The following KCNH6 variants were observed in gnomAD, a reference collection of about 807,000 sequenced individuals.
The protein encoded by KCNH6 is voltage-gated inwardly rectifying potassium channel KCNH6.
Under a neutral mutation model 83.4 loss-of-function variants are expected in KCNH6, and 81 were observed. That is an observed-to-expected ratio of 0.97 (90% CI 0.81 to 1.17). The LOEUF (loss-of-function observed/expected upper bound fraction) is 1.17, where lower values mean the gene tolerates loss of function less well. Among genes scored for constraint, KCNH6 ranks in the 50% most tolerant of loss-of-function variants. The pLI is 0.00. For missense variants in KCNH6, 1,203 were observed against 1,290.5 expected (o/e 0.93, Z 1.04); for synonymous variants, 503 against 545.6 (o/e 0.92, Z 1.09).
At chr17:63,545,373 A>G in intron 12 of KCNH6, 109 bp downstream of exon 12, 1 of 1,209,552 alleles carries the variant, frequency 8.3e-7, no homozygotes, top group East Asian at 2.4e-5. Context: ...GTGGCCCCAG[A>G]GCAGCCAGGG....
chr17:63,544,248 G>A lies in KCNH6; in HGVS notation c.2234-1G>A. ...CTGAGACTTCCCTTTCCCTCCTGCA[G>A]ATGCAGCCCCTCCCCTGAGCATCTC... On this transcript the variant is annotated splice_acceptor_variant, in intron 10 of 12. Transcript: ENST00000314672. LOFTEE classifies it high-confidence loss of function. The A allele has an allele frequency of 6.3e-7, 1 of 1,581,642 alleles. No individual in the cohort carries two copies. Among genetic ancestry groups the A allele is most frequent in the South Asian group, 1.1e-5 (1 of 87,392 alleles).
chr17:63,525,670 C>T (rs564491302), intron 2 of KCNH6, among the ~76,000 whole-genome samples: 43 of 152,202 alleles, frequency 2.8e-4, no homozygotes, highest in African/African-American at 1.0e-3. Flanking sequence ...TACAGCTTCT[C>T]GGGTAGGTCC....
rs368483158 is a variant in KCNH6 at position 63,538,020 on chromosome 17, G to A, written c.1502-45G>A. On this transcript the variant is annotated intron_variant, in intron 6 of 12. Coordinates refer to ENST00000314672, the MANE Select transcript of KCNH6 (RefSeq NM_001278919.2). The surrounding 1 kb of genome is among the most constrained non-coding windows in gnomAD (Gnocchi z 4.0). ...ACCTGGGTAAGCCCTTGGTGGTGTG[G>A]CCCAGTGGGGCCGCGGAGGAGCTCA... 9.5e-6 allele frequency: 15 copies of A among 1,584,394 alleles called. No individual in the cohort carries two copies. The African/African-American group carries it at 1.6e-4, about 17-fold the overall frequency.
chr17:63,544,992 A>C (rs956815498), intron 11 of KCNH6, 86 bp from the exon 12 acceptor site: 11 of 1,355,704 alleles, frequency 8.1e-6, no homozygotes, highest in Non-Finnish European at 1.1e-5. Context: ...TCTAGCAGGA[A>C]CAGCACGCAG....
rs1198600102 is a variant in KCNH6 at position 63,534,172 on chromosome 17, C to T, written c.962C>T (p.Thr321Ile). ...FVVDIVINFRTTYVNTNDEVV... is the reference protein window; with the variant it reads ...FVVDIVINFRITYVNTNDEVV... Reference sequence around the variant, plus strand: ...GTGGACATCGTCATCAACTTCCGCACCACCTATGTCAACACCAATGATGAG... The same window carrying T: ...GTGGACATCGTCATCAACTTCCGCATCACCTATGTCAACACCAATGATGAG... The change falls in exon 5 of 13, where the codon ACC (threonine) becomes ATC (isoleucine). Residue 321 changes from threonine to isoleucine, a missense_variant. Thr to Ile is a moderately conservative substitution (Grantham distance 89). Coordinates refer to ENST00000314672, the MANE Select transcript of KCNH6 (RefSeq NM_001278919.2). This position sits in a 1 kb window ranked among gnomAD's most constrained non-coding sequence, Gnocchi z 5.0. 1.2e-6 allele frequency: 2 copies of T among 1,613,780 alleles called. No homozygotes were observed. The highest frequency in any genetic ancestry group is 1.7e-6 in the Non-Finnish European group (2 of 1,179,954).
In KCNH6 at chr17:63,534,052, T is replaced by A. The variant is rs1374780871; in HGVS notation, c.842T>A (p.Leu281Gln). 6.2e-7 allele frequency: 1 copy of A among 1,614,066 alleles called. No individual in the cohort carries two copies. The highest frequency in any genetic ancestry group is 1.3e-5 in the African/African-American group (1 of 74,918). Reference sequence around the variant, plus strand: ...TTCACGCCCTACTCAGCCGCCTTCCTGCTCAGCGATCAGGACGAATCACGG... The same window carrying A: ...TTCACGCCCTACTCAGCCGCCTTCCAGCTCAGCGATCAGGACGAATCACGG... ...AVFTPYSAAFLLSDQDESRRG... is the reference protein window; with the variant it reads ...AVFTPYSAAFQLSDQDESRRG... Residue 281 changes from leucine (L) to glutamine (Q), a missense_variant, in exon 5 of 13, where the codon CTG becomes CAG. Transcript: ENST00000314672. The surrounding 1 kb of genome is among the most constrained non-coding windows in gnomAD (Gnocchi z 5.0).
At chr17:63,548,239 G>T (rs547994703), downstream of KCNH6, among the ~76,000 whole-genome samples, 2 of 151,848 alleles carry the variant, frequency 1.3e-5, no homozygotes, top group Non-Finnish European at 2.9e-5. Flanking sequence ...GCACTCCAGC[G>T]TGGGCAACAG....
In KCNH6 at chr17:63,533,147, G is replaced by A. The variant is rs1246901004; in HGVS notation, c.676-739G>A. On this transcript the variant is annotated intron_variant, in intron 4 of 12. Transcript: ENST00000314672. The surrounding 1 kb of genome is among the most constrained non-coding windows in gnomAD (Gnocchi z 4.1). Reference sequence around the variant, plus strand: ...TGTTGGGCAGCTGGGCAGAGCCAGGGCATGTTGTGCTGGGACCTAGAGATC... The same window carrying A: ...TGTTGGGCAGCTGGGCAGAGCCAGGACATGTTGTGCTGGGACCTAGAGATC... 6.6e-6 allele frequency among the ~76,000 whole-genome samples: 1 copy of A among 151,878 alleles called. No homozygotes were observed. Among genetic ancestry groups the A allele is most frequent in the Non-Finnish European group, 1.5e-5 (1 of 67,946 alleles).
At chr17:63,540,796 G>A (rs181564778) in intron 8 of KCNH6, among the ~76,000 whole-genome samples, 2 of 152,344 alleles carry the variant, frequency 1.3e-5, no homozygotes, top group East Asian at 1.9e-4. Flanking sequence ...CTGGGGGAGT[G>A]GGAATCAAAG....
At chr17:63,540,034 G>A (rs1481769240) in intron 8 of KCNH6, among the ~76,000 whole-genome samples, 1 of 152,178 alleles carries the variant, frequency 6.6e-6, no homozygotes, top group Admixed American at 6.5e-5. Context: ...ATTCTGCCTG[G>A]AGCGCCCTAC....
Position 63,545,125 on chromosome 17 carries a change from T to G in KCNH6, c.2444T>G (p.Leu815Arg). The G allele has an allele frequency of 3.1e-6, 5 of 1,613,774 alleles. No homozygotes were observed. The highest frequency in any genetic ancestry group is 3.4e-6 in the Non-Finnish European group (4 of 1,180,018). Reference protein sequence around the residue: ...SSDLSRILQLLQKPMPQGHAS... With the variant: ...SSDLSRILQLRQKPMPQGHAS... Reference sequence around the variant, plus strand: ...GACCTCAGCCGCATCTTGCAGCTCCTCCAGAAGCCCATGCCCCAGGGCCAC... The same window carrying G: ...GACCTCAGCCGCATCTTGCAGCTCCGCCAGAAGCCCATGCCCCAGGGCCAC... Residue 815 changes from leucine (L) to arginine (R), a missense_variant, in exon 12 of 13, where the codon CTC becomes CGC. Leu to Arg is a moderately radical substitution (Grantham distance 102). Transcript: ENST00000314672.
chr17:63,541,010 C>A (rs1171067378), intron 8 of KCNH6, among the ~76,000 whole-genome samples: 1 of 152,206 alleles, frequency 6.6e-6, no homozygotes, highest in Non-Finnish European at 1.5e-5. Flanking sequence ...GGAGCCCCTC[C>A]CTCCTCCATG....
At chr17:63,528,194 G>A (rs928139312) in intron 2 of KCNH6, among the ~76,000 whole-genome samples, 4 of 152,226 alleles carry the variant, frequency 2.6e-5, no homozygotes, top group African/African-American at 9.6e-5. Context: ...CACTGGCCAA[G>A]GAGGCTCCCT....
rs199707983 is a variant in KCNH6, at chr17:63,533,957, C to T, written c.747C>T (p.Ile249=). 20 of 1,614,156 alleles carry T rather than the reference C, an allele frequency of 1.2e-5. No individual in the cohort carries two copies. In the East Asian group the frequency reaches 4.5e-4, roughly 36 times the overall value. ...CGCCGCGCATCCACCGCTGGACCATCCTGCACTACAGCCCCTTCAAGGCCG... is the reference window on the plus strand; with the variant it reads ...CGCCGCGCATCCACCGCTGGACCATTCTGCACTACAGCCCCTTCAAGGCCG... ...LQAPRIHRWT[I]LHYSPFKAVW... Residue 249 remains isoleucine, a synonymous_variant, in exon 5 of 13, where the codon ATC becomes ATT. Coordinates refer to ENST00000314672, the MANE Select transcript of KCNH6 (RefSeq NM_001278919.2). The surrounding 1 kb of genome is among the most constrained non-coding windows in gnomAD (Gnocchi z 4.1).
chr17:63,538,148 A>T lies in KCNH6; in HGVS notation c.1585A>T (p.Met529Leu). 1 of 1,614,012 alleles carries T rather than the reference A, an allele frequency of 6.2e-7. No homozygotes were observed. Residue 529 changes from methionine (M) to leucine (L), a missense_variant, in exon 7 of 13, where the codon ATG becomes TTG. Physicochemically the swap from Met to Leu is conservative, Grantham distance 15. Coordinates refer to ENST00000314672, the MANE Select transcript of KCNH6 (RefSeq NM_001278919.2). The surrounding 1 kb of genome is among the most constrained non-coding windows in gnomAD (Gnocchi z 4.0). Reference sequence around the variant, plus strand: ...GGGCACCGCGCGCTACCACACGCAGATGCTGCGTGTCAAGGAGTTCATCCG... The same window carrying T: ...GGGCACCGCGCGCTACCACACGCAGTTGCTGCGTGTCAAGGAGTTCATCCG... ...YSGTARYHTQ[M>L]LRVKEFIRFH...
intron 8 of KCNH6, 141 bp from the exon 9 acceptor site, chr17:63,542,100 C>A: frequency 1.3e-6 from 1 of 794,002 alleles, no homozygotes; most frequent in Non-Finnish European, 2.0e-6. Context: ...GCACATCCAG[C>A]CATGTCCCCA....
At position 63,523,627 on chromosome 17, in the gene KCNH6, G is replaced by A; in HGVS notation, c.76+138G>A. On this transcript the variant is annotated intron_variant, in intron 1 of 12. Transcript: ENST00000314672. This position sits in a 1 kb window ranked among gnomAD's most constrained non-coding sequence, Gnocchi z 4.2. ...CTGAATGAAAAATCCTTCTTTTGAT[G>A]TCCCCAACACCTTCTCCTCCAGGGG... The A allele has an allele frequency of 1.4e-6, 1 of 692,722 alleles. No homozygotes were observed. The highest frequency in any genetic ancestry group is 2.3e-6 in the Non-Finnish European group (1 of 428,928). The allele number at this position is 692,722 out of a possible 1,614,324, so 42.9% of individuals were successfully genotyped here. A position where few individuals can be genotyped will look rare whatever the true frequency, so the allele number is the denominator to read the frequency against.
rs767383327 is a variant in KCNH6, at chr17:63,545,874, C to T, written c.2849C>T (p.Pro950Leu). 3.7e-6 allele frequency: 6 copies of T among 1,613,890 alleles called. No individual in the cohort carries two copies. The highest frequency in any genetic ancestry group is 1.6e-4 in the Middle Eastern group (1 of 6,084). Reference protein sequence around the residue: ...QLDFQRHGSDPGFAGSWGH With the variant: ...QLDFQRHGSDLGFAGSWGH ...GACTTCCAGAGACATGGCTCAGATCCTGGATTTGCAGGGAGTTGGGGCCAC... is the reference window on the plus strand; with the variant it reads ...GACTTCCAGAGACATGGCTCAGATCTTGGATTTGCAGGGAGTTGGGGCCAC... Residue 950 changes from proline (P) to leucine (L), a missense_variant, in exon 13 of 13, where the codon CCT (proline) becomes CTT (leucine). Coordinates refer to ENST00000314672, the MANE Select transcript of KCNH6 (RefSeq NM_001278919.2).
rs1190277224 is a variant in KCNH6 at position 63,546,425 on chromosome 17, G to C, written c.*523G>C. The stretch of plus-strand genomic sequence containing the variant: ...CCTGGTGCAGGGTGGGAGAGTCTCA[G>C]GTGTGGAGGCAGCTTACAGGATTGA... On this transcript the variant is annotated 3_prime_UTR_variant, in exon 13 of 13. Coordinates refer to ENST00000314672, the MANE Select transcript of KCNH6 (RefSeq NM_001278919.2). The C allele has an allele frequency of 2.6e-5, 4 of 155,240 alleles. No homozygotes were observed. The highest frequency in any genetic ancestry group is 2.5e-4 in the Admixed American group (4 of 15,952). The allele number at this position is 155,240 out of a possible 1,614,324, so 9.6% of individuals were successfully genotyped here.
Sources: gnomAD v4.1 joint callset for allele counts (sites outside exome capture counted in the v4.1 genomes callset) on GRCh38, gnomAD v4.1.1 for gene constraint, Gnocchi (gnomAD v3.1) non-coding constraint, MANE v1.5 for transcripts, NCBI Gene and HGNC (gene_info 2026-07-23, HGNC 2026-07-21) for gene names.